Variants in FRY observed in about 807,000 individuals in gnomAD.
The protein encoded by FRY is protein furry homolog.
A neutral mutation model predicts 348.4 loss-of-function variants in FRY; 128 were observed. That is an observed-to-expected ratio of 0.37 (90% CI 0.32 to 0.43). The LOEUF (loss-of-function observed/expected upper bound fraction) is 0.43, where lower values mean the gene tolerates loss of function less well. Among genes scored for constraint, FRY ranks in the 20% least tolerant of loss-of-function variants. The probability of loss-of-function intolerance (pLI) is 1.00; values close to 1 mark genes in which losing one functional copy is unlikely to be tolerated. For missense variants in FRY, 2,736 were observed against 3,695.2 expected, an observed-to-expected ratio of 0.74 and a Z score of 6.73; for synonymous variants, 1,370 against 1,374.7, an observed-to-expected ratio of 1.00 and a Z score of 0.08.
intron 20 of FRY, 29 bp from the exon 21 acceptor site, chr13:32,178,148 A>T (rs1882482087): frequency 6.2e-7 from 1 of 1,613,528 alleles, no homozygotes; most frequent in Non-Finnish European, 8.5e-7. Flanking sequence ...GTTCGGGTTT[A>T]ACTTACAACC....
chr13:32,291,170 A>G (rs1052838598), intron 59 of FRY, among the ~76,000 whole-genome samples: 4 of 152,122 alleles, frequency 2.6e-5, no homozygotes, highest in African/African-American at 9.7e-5. Flanking sequence ...CTAAGAGCAG[A>G]AGAGGAAGAG....
rs148460431 is a variant in FRY, at chr13:32,085,814, T to C, written c.270+6781T>C. 393 of 513,560 alleles carry C rather than the reference T, an allele frequency of 7.7e-4. 2 individuals carry two copies. Among genetic ancestry groups the C allele is most frequent in the African/African-American group, 6.6e-3 (343 of 51,892 alleles). 31.8% of individuals were successfully genotyped at this position (513,560 alleles called of 1,614,324 possible). A position where few individuals can be genotyped will look rare whatever the true frequency, so the allele number is the denominator to read the frequency against. On this transcript the variant is annotated intron_variant, in intron 2 of 60. Coordinates refer to ENST00000542859, the MANE Select transcript of FRY (RefSeq NM_023037.3). ...ACTGTCTCCTGTTGCCATTTATCAA[T>C]ACTGTCAGGTGCCTGTCCTGAGCTC...
chr13:32,234,541 G>A (rs1886118283), intron 41 of FRY, 33 bp from the exon 42 acceptor site: 1 of 1,596,678 alleles, frequency 6.3e-7, no homozygotes, highest in African/African-American at 1.3e-5. Context: ...GTAGAGTAGA[G>A]ACTGACCTAT....
intron 1 of FRY, among the ~76,000 whole-genome samples, chr13:32,068,063 G>C (rs1256584783): frequency 6.6e-6 from 1 of 152,098 alleles, no homozygotes; most frequent in South Asian, 2.1e-4. Flanking sequence ...TGGGGTAAGA[G>C]GTGTCCAACC....
chr13:32,235,881 G>A (rs12583237), intron 42 of FRY, among the ~76,000 whole-genome samples, 197 bp from the exon 43 acceptor site: 8,250 of 152,120 alleles, frequency 0.054, 632 homozygotes, highest in East Asian at 0.26. Context: ...TTAGACATAG[G>A]AAAATAAATT....
chr13:32,082,642 G>T (rs1875573732), intron 2 of FRY, among the ~76,000 whole-genome samples: 2 of 152,172 alleles, frequency 1.3e-5, no homozygotes, highest in Admixed American at 1.3e-4. Context: ...GTAAGAATCA[G>T]TGGGTGGTAA....
At chr13:32,181,591 A>T (rs1468401248) in intron 23 of FRY, among the ~76,000 whole-genome samples, 1 of 151,364 alleles carries the variant, frequency 6.6e-6, no homozygotes, top group African/African-American at 2.4e-5. Flanking sequence ...AAAAAAAAAA[A>T]AAAAAGGAAA....
intron 3 of FRY, among the ~76,000 whole-genome samples, chr13:32,111,858 T>C (rs1877987643): frequency 6.6e-6 from 1 of 152,238 alleles, no homozygotes; most frequent in Admixed American, 6.5e-5. Context: ...ATCCTCAGTG[T>C]CCTTTCTCAT....
intron 3 of FRY, among the ~76,000 whole-genome samples, chr13:32,107,554 C>T (rs960914401): frequency 5.3e-5 from 8 of 152,248 alleles, no homozygotes; most frequent in Non-Finnish European, 4.4e-5. Context: ...CATTGTTATA[C>T]AGCACCTACC....
chr13:32,209,396 T>C (rs930978196), intron 32 of FRY, among the ~76,000 whole-genome samples, 189 bp from the exon 33 acceptor site: 5 of 152,204 alleles, frequency 3.3e-5, no homozygotes, highest in Non-Finnish European at 5.9e-5. Context: ...TGAATAGGTA[T>C]TATGCATGAT....
intron 23 of FRY, among the ~76,000 whole-genome samples, chr13:32,181,697 C>T (rs2476722): frequency 0.51 from 76,928 of 151,508 alleles, 19,536 homozygotes; most frequent in African/African-American, 0.54. Flanking sequence ...CCTCTAAATA[C>T]TTCTGGAGGC....
chr13:32,215,608 C>T (rs1884945527), intron 35 of FRY, among the ~76,000 whole-genome samples: 1 of 152,220 alleles, frequency 6.6e-6, no homozygotes, highest in East Asian at 1.9e-4. Flanking sequence ...GGGTCTCATT[C>T]TGTCACCTAG....
rs1254647606 is a variant in FRY at position 32,295,364 on chromosome 13, G to C, written c.8946G>C (p.Leu2982=). ...LTEICTKLME[L]NMEIRDMIRR... ...AGATCTGCACCAAGCTGATGGAGCT[G>C]AACATGGAGATCCGGGACATGATCC... Residue 2982 remains leucine, a synonymous_variant, in exon 61 of 61, where the codon CTG becomes CTC. Coordinates refer to ENST00000542859, the MANE Select transcript of FRY (RefSeq NM_023037.3). 2 of 1,613,664 alleles carry C rather than the reference G, an allele frequency of 1.2e-6. No individual in the cohort carries two copies. Among genetic ancestry groups the C allele is most frequent in the South Asian group, 2.2e-5 (2 of 91,072 alleles).
chr13:32,159,423 T>A (rs1255836982), intron 16 of FRY, among the ~76,000 whole-genome samples: 1 of 152,170 alleles, frequency 6.6e-6, no homozygotes, highest in African/African-American at 2.4e-5. Context: ...TGTTGCTCAG[T>A]CTTTATTCCA....
chr13:32,096,706 G>A (rs1876746576), intron 2 of FRY, among the ~76,000 whole-genome samples: 1 of 147,774 alleles, frequency 6.8e-6, no homozygotes, highest in Non-Finnish European at 1.5e-5. Context: ...CTGAGGCTGA[G>A]GCAGGAGAAT....
intron 39 of FRY, 77 bp from the exon 40 acceptor site, chr13:32,228,376 CCCT>C (rs762553570): frequency 1.0e-4 from 107 of 1,019,884 alleles, no homozygotes; most frequent in Non-Finnish European, 1.5e-4. Flanking sequence ...CACTTCCCTG[CCCT>C]CCTCTGTGGA....
intron 1 of FRY, among the ~76,000 whole-genome samples, chr13:32,068,911 CTTTTTTTTTTTTT>C (rs142807722): frequency 1.2e-5 from 1 of 82,860 alleles, no homozygotes; most frequent in African/African-American, 4.7e-5. Flanking sequence ...ATGTTCAATT[CTTTTTTTTTTTTT>C]TTTTTTTTTG....
intron 1 of FRY, among the ~76,000 whole-genome samples, chr13:32,058,503 T>A (rs1873762206): frequency 1.3e-5 from 2 of 152,226 alleles, no homozygotes; most frequent in African/African-American, 4.8e-5. Context: ...TTCTAAGTTT[T>A]ATGTCTGCTT....
chr13:32,239,761 G>A lies in FRY; in HGVS notation c.6567G>A (p.Met2189Ile). 1 of 1,613,864 alleles carries A rather than the reference G, an allele frequency of 6.2e-7. No homozygotes were observed. The highest frequency in any genetic ancestry group is 8.5e-7 in the Non-Finnish European group (1 of 1,179,784). ...NPKLSNLAHV[M>I]TLYKTHSYTR... ...AACTTTCAAATCTTGCACATGTCAT[G>A]ACTCTTTATAAAACGCACAGCTACA... Residue 2189 changes from methionine (M) to isoleucine (I), a missense_variant, in exon 46 of 61, where the codon ATG becomes ATA. By Grantham distance (10) the Met-to-Ile change is conservative. Coordinates refer to ENST00000542859, the MANE Select transcript of FRY (RefSeq NM_023037.3). This position sits in a 1 kb window ranked among gnomAD's most constrained non-coding sequence, Gnocchi z 4.3.
Sources: gnomAD v4.1 joint callset for allele counts (sites outside exome capture counted in the v4.1 genomes callset) on GRCh38, gnomAD v4.1.1 for gene constraint, Gnocchi (gnomAD v3.1) non-coding constraint, MANE v1.5 for transcripts, NCBI Gene and HGNC (gene_info 2026-07-23, HGNC 2026-07-21) for gene names.